CEP95: variants seen among roughly 807,000 people sequenced by gnomAD.
CEP95 encodes the protein centrosomal protein 95, also known as centrosomal protein of 95 kDa.
CEP95 carries 98 observed loss-of-function variants against 111.2 expected under a neutral mutation model. The ratio of observed to expected loss-of-function variants is 0.88; its 90% CI spans 0.75 to 1.04. The LOEUF (loss-of-function observed/expected upper bound fraction) is 1.04. CEP95 is among the 50% of genes least tolerant of loss of function. The probability of loss-of-function intolerance (pLI) is 0.00; values close to 1 mark genes in which losing one functional copy is unlikely to be tolerated. For synonymous variants in CEP95, 323 were observed against 327.1 expected (o/e 0.99, Z 0.14); for missense variants, 1,027 against 977.2 (o/e 1.05, Z -0.68).
At chr17:64,509,922 G>A (rs1395085611) in intron 2 of CEP95, among the ~76,000 whole-genome samples, 1 of 151,282 alleles carries the variant, frequency 6.6e-6, no homozygotes, top group Non-Finnish European at 1.5e-5. Flanking sequence ...TATATATATG[G>A]TGTAATAAAT....
intron 2 of CEP95, 151 bp from the exon 3 acceptor site, chr17:64,510,022 G>T: frequency 1.7e-6 from 1 of 603,728 alleles, no homozygotes; most frequent in Non-Finnish European, 3.0e-6. Flanking sequence ...TAGAGTTCAG[G>T]GTTTATTAAC....
intron 3 of CEP95, among the ~76,000 whole-genome samples, chr17:64,512,248 ACT>A (rs2038935649): frequency 6.6e-6 from 1 of 152,168 alleles, no homozygotes; most frequent in South Asian, 2.1e-4. Flanking sequence ...AATCGGAAGA[ACT>A]CTCTAGAAGC....
Position 64,514,237 on chromosome 17 carries a change from T to G in CEP95, c.257-11T>G. 9.1e-7 allele frequency: 1 copy of G among 1,093,952 alleles called. No individual in the cohort carries two copies. Among genetic ancestry groups the G allele is most frequent in the Non-Finnish European group, 1.4e-6 (1 of 735,684 alleles). 67.8% of individuals were successfully genotyped at this position (1,093,952 alleles called of 1,614,324 possible). ...GTTAAATTTTTTAATAGCTCTATATTCTGTCTCCAGGAGAAAATATAGTGA... is the reference window on the plus strand; with the variant it reads ...GTTAAATTTTTTAATAGCTCTATATGCTGTCTCCAGGAGAAAATATAGTGA... On this transcript the variant is annotated splice_polypyrimidine_tract_variant and intron_variant, in intron 3 of 19. Coordinates refer to ENST00000556440, the MANE Select transcript of CEP95 (RefSeq NM_138363.3).
intron 6 of CEP95, among the ~76,000 whole-genome samples, chr17:64,519,910 A>C (rs943081052): frequency 6.6e-6 from 1 of 152,166 alleles, no homozygotes; most frequent in Admixed American, 6.5e-5. Flanking sequence ...TGAGCCTCCA[A>C]CCTTGCCCTC....
At chr17:64,536,779 T>C in intron 18 of CEP95, 31 bp downstream of exon 18, 2 of 1,579,362 alleles carry the variant, frequency 1.3e-6, no homozygotes, top group Non-Finnish European at 1.7e-6. Flanking sequence ...TACGCTGTTG[T>C]GCTTAGTCCT....
At chr17:64,508,518 T>C (rs2038706510) in intron 1 of CEP95, 74 bp from the exon 2 acceptor site, 2 of 1,255,120 alleles carry the variant, frequency 1.6e-6, no homozygotes, top group Non-Finnish European at 2.0e-6. Context: ...GGGAGGTTGT[T>C]GGATTTTTTA....
At position 64,533,020 on chromosome 17, in the gene CEP95, TCA is replaced by T. The variant is rs1968385955; in HGVS notation, c.1842+13_1842+14del. Reference sequence around the variant, plus strand: ...AACTCCAAGATGAAGTAAGTTACTGTCAGTCTTAAGCATAGGAATTTAAATGA... The same window carrying T: ...AACTCCAAGATGAAGTAAGTTACTGTGTCTTAAGCATAGGAATTTAAATGA... On this transcript the variant is annotated intron_variant, in intron 15 of 19. Coordinates refer to ENST00000556440, the MANE Select transcript of CEP95 (RefSeq NM_138363.3). 6.2e-7 allele frequency: 1 copy of T among 1,610,940 alleles called. No homozygotes were observed. The highest frequency in any genetic ancestry group is 1.3e-5 in the African/African-American group (1 of 74,674).
intron 7 of CEP95, 128 bp from the exon 8 acceptor site, chr17:64,522,574 C>T: frequency 1.8e-6 from 1 of 571,370 alleles, no homozygotes; most frequent in Non-Finnish European, 3.0e-6. Context: ...TTTTTATGTG[C>T]TTTGTCTTAA....
At position 64,537,598 on chromosome 17, in the gene CEP95, T is replaced by C. The variant is rs1968744701; in HGVS notation, c.2290-5T>C. The C allele has an allele frequency of 6.3e-7, 1 of 1,583,458 alleles. No individual in the cohort carries two copies. The highest frequency in any genetic ancestry group is 8.6e-7 in the Non-Finnish European group (1 of 1,160,494). On this transcript the variant is annotated splice_region_variant and splice_polypyrimidine_tract_variant and intron_variant, in intron 19 of 19. Coordinates refer to ENST00000556440, the MANE Select transcript of CEP95 (RefSeq NM_138363.3). ...ACAGCGGGATGACATGCCTTCTTTTTTCAGACATTACATAAGGTGAAGAGG... is the reference window on the plus strand; with the variant it reads ...ACAGCGGGATGACATGCCTTCTTTTCTCAGACATTACATAAGGTGAAGAGG...
chr17:64,536,851 A>G, intron 18 of CEP95, 103 bp downstream of exon 18: 1 of 1,360,934 alleles, frequency 7.3e-7, no homozygotes, highest in South Asian at 1.4e-5. Context: ...GTGTTAACTG[A>G]AGTTTGCACT....
chr17:64,531,202 T>C (rs1026893939), intron 13 of CEP95, 184 bp downstream of exon 13: 6 of 406,778 alleles, frequency 1.5e-5, no homozygotes, highest in Non-Finnish European at 2.6e-5. Context: ...TGCTAAAATA[T>C]GACGAGACAT....
chr17:64,535,031 T>C, intron 17 of CEP95: 1 of 380,476 alleles, frequency 2.6e-6, no homozygotes. Flanking sequence ...TTTGGGAACA[T>C]GTGAGAGACA....
rs551012683 is a variant in CEP95 at position 64,527,053 on chromosome 17, T to A, written c.1153-58T>A. The A allele has an allele frequency of 1.9e-5, 28 of 1,482,492 alleles. No individual in the cohort carries two copies. In the East Asian group the frequency reaches 6.2e-4, roughly 33 times the overall value. 91.8% of individuals were successfully genotyped at this position (1,482,492 alleles called of 1,614,324 possible). A position where few individuals can be genotyped will look rare whatever the true frequency, so the allele number is the denominator to read the frequency against. On this transcript the variant is annotated intron_variant, in intron 10 of 19. Transcript: ENST00000556440. ...GCTTTTTTAAAGGTCTGCCTACTCC[T>A]ACGAATTTACATTCTGCTGAAATCA... is the stretch of plus-strand genomic sequence containing the variant.
intron 10 of CEP95, 143 bp downstream of exon 10, chr17:64,526,343 G>A (rs1486067894): frequency 5.0e-6 from 4 of 803,462 alleles, no homozygotes; most frequent in Non-Finnish European, 5.6e-6. Context: ...AGTCAAGCAG[G>A]TAGAACAGGA....
Position 64,533,141 on chromosome 17 carries a change from G to T in CEP95, c.1867G>T (p.Asp623Tyr). Residue 623 changes from aspartate to tyrosine, a missense_variant, in exon 16 of 20, where the codon GAC becomes TAC. Asp to Tyr is a radical substitution (Grantham distance 160). Transcript: ENST00000556440. ...DEIEEALRRHDLLTTLVKKEY... is the reference protein window; with the variant it reads ...DEIEEALRRHYLLTTLVKKEY... ...GATAGAAGAAGCCCTAAGAAGGCAT[G>T]ACCTCCTTACTACCCTTGTCAAGAA... 6.2e-7 allele frequency: 1 copy of T among 1,602,650 alleles called. No homozygotes were observed. The highest frequency in any genetic ancestry group is 1.1e-5 in the South Asian group (1 of 88,850).
chr17:64,507,481 C>G, intron 1 of CEP95: 2 of 1,241,132 alleles, frequency 1.6e-6, no homozygotes, highest in Non-Finnish European at 2.0e-6. Context: ...GTCGTACCTG[C>G]TTTTGTATTG....
chr17:64,535,899 C>T (rs1257533388), intron 17 of CEP95: 2 of 152,122 alleles, frequency 1.3e-5, no homozygotes, highest in Non-Finnish European at 2.9e-5. Flanking sequence ...ATGAAGTATT[C>T]ATACATACTG....
intron 12 of CEP95, 33 bp downstream of exon 12, chr17:64,529,460 G>A: frequency 1.2e-6 from 2 of 1,608,342 alleles, no homozygotes; most frequent in South Asian, 1.1e-5. Context: ...CCATTAAGCA[G>A]CAGCCAGTAC....
chr17:64,529,539 T>C (rs1332362868), intron 12 of CEP95, 112 bp downstream of exon 12: 3 of 1,082,752 alleles, frequency 2.8e-6, no homozygotes, highest in Non-Finnish European at 4.0e-6. Context: ...TTTAATATTC[T>C]TGAGCGGAGT....
Sources: allele counts gnomAD v4.1 joint callset (sites outside exome capture counted in the v4.1 genomes callset), GRCh38; gene constraint gnomAD v4.1.1; transcripts MANE v1.5; gene names NCBI Gene and HGNC (gene_info 2026-07-23, HGNC 2026-07-21).